Variants in STK32B observed in about 807,000 individuals in gnomAD.
The protein encoded by STK32B is serine/threonine-protein kinase 32B.
STK32B carries 43 observed loss-of-function variants against 52.6 expected under a neutral mutation model. The ratio of observed to expected loss-of-function variants is 0.82; its 90% CI spans 0.64 to 1.05. The LOEUF is 1.05. Ranked by LOEUF, STK32B falls within the 50% of genes least tolerant of loss-of-function variation. The pLI, the probability that STK32B is intolerant of heterozygous loss-of-function variation, is 0.00. For synonymous variants in STK32B, 238 were observed against 204.3 expected, an observed-to-expected ratio of 1.17 and a Z score of -1.41; for missense variants, 621 against 534.6, an observed-to-expected ratio of 1.16 and a Z score of -1.59.
chr4:5,248,229 C>T (rs1047257414), intron 3 of STK32B, among the ~76,000 whole-genome samples: 1 of 152,182 alleles, frequency 6.6e-6, no homozygotes, highest in Admixed American at 6.5e-5. Context: ...GGAGCTGGAA[C>T]TCAGAGGCCT....
chr4:5,206,741 C>G (rs1722599689), intron 3 of STK32B, among the ~76,000 whole-genome samples: 1 of 152,120 alleles, frequency 6.6e-6, no homozygotes. Flanking sequence ...CAGCATCTGC[C>G]AGAACCATTC....
At chr4:5,198,462 T>C (rs183493223) in intron 3 of STK32B, among the ~76,000 whole-genome samples, 209 of 152,312 alleles carry the variant, frequency 1.4e-3, no homozygotes, top group African/African-American at 4.7e-3. Context: ...AGAGGATTAA[T>C]GGTCATTTGT....
chr4:5,026,465 T>C, the STK32B span, among the ~76,000 whole-genome samples: 1 of 152,126 alleles, frequency 6.6e-6, no homozygotes, highest in Non-Finnish European at 1.5e-5. Flanking sequence ...GGAGAGAGAA[T>C]AAGAACCGAG....
chr4:5,309,959 A>T (rs1220322828), intron 3 of STK32B, among the ~76,000 whole-genome samples: 1 of 152,160 alleles, frequency 6.6e-6, no homozygotes, highest in East Asian at 1.9e-4. Flanking sequence ...TGAGGTCAGG[A>T]ATTTGAGACC....
At chr4:5,201,591 A>G (rs972402224) in intron 3 of STK32B, among the ~76,000 whole-genome samples, 2 of 152,208 alleles carry the variant, frequency 1.3e-5, no homozygotes, top group South Asian at 2.1e-4. Context: ...TCACACTGCT[A>G]TAAGGAGCTA....
At chr4:5,350,718 C>T (rs1399516265) in intron 4 of STK32B, among the ~76,000 whole-genome samples, 1 of 151,932 alleles carries the variant, frequency 6.6e-6, no homozygotes, top group African/African-American at 2.4e-5. Flanking sequence ...AAAAGCATGA[C>T]CCAACTATAT....
intron 6 of STK32B, among the ~76,000 whole-genome samples, chr4:5,445,128 C>T (rs556575769): frequency 3.3e-5 from 5 of 152,290 alleles, no homozygotes; most frequent in South Asian, 4.1e-4. Flanking sequence ...AACATGTCCC[C>T]GGAGGCTGTT....
chr4:5,444,147 C>A (rs1278720700), intron 6 of STK32B, among the ~76,000 whole-genome samples: 1 of 152,234 alleles, frequency 6.6e-6, no homozygotes, highest in Admixed American at 6.5e-5. Flanking sequence ...AGCTTCCGGG[C>A]TGCTTTGTTT....
In STK32B at chr4:5,276,766, T is replaced by C. The variant is rs578240857; in HGVS notation, c.261-54454T>C. Among the ~76,000 whole-genome samples the C allele has an allele frequency of 2.0e-5, 3 of 152,108 alleles. No individual in the cohort carries two copies. The East Asian group carries it at 5.8e-4, about 29-fold the overall frequency. On this transcript the variant is annotated intron_variant, in intron 3 of 11. Transcript: ENST00000282908. ...AGAGGGGAAATGCCGCTCAGAAACA[T>C]GATGTGCTTGCCCAGAGAGGCACAG...
At chr4:5,199,612 A>C (rs1297088955) in intron 3 of STK32B, among the ~76,000 whole-genome samples, 1 of 151,972 alleles carries the variant, frequency 6.6e-6, no homozygotes, top group African/African-American at 2.4e-5. Context: ...TGGTTTTCTA[A>C]TTTGACTAAG....
intron 3 of STK32B, among the ~76,000 whole-genome samples, chr4:5,316,862 TA>T (rs1730902591): frequency 1.6e-4 from 1 of 6,158 alleles, no homozygotes; most frequent in African/African-American, 2.2e-3. Flanking sequence ...TTATATATAT[TA>T]TATATTATAT....
chr4:5,417,013 C>A, intron 6 of STK32B, 79 bp downstream of exon 6: 1 of 1,299,198 alleles, frequency 7.7e-7, no homozygotes, highest in Non-Finnish European at 1.1e-6. Flanking sequence ...GTTTCATCTG[C>A]CACTGCCCGC....
At chr4:5,060,133 AT>A (rs987382554) in intron 1 of STK32B, among the ~76,000 whole-genome samples, 1 of 151,992 alleles carries the variant, frequency 6.6e-6, no homozygotes, top group African/African-American at 2.4e-5. Context: ...CGCCCGGCTA[AT>A]TTTGTATTTG....
the STK32B span, among the ~76,000 whole-genome samples, chr4:5,029,999 T>G: frequency 6.6e-6 from 1 of 152,170 alleles, no homozygotes; most frequent in African/African-American, 2.4e-5. Context: ...AGCACTCTCT[T>G]TTCTGTGTCC....
chr4:5,204,971 G>C (rs1436276144), intron 3 of STK32B, among the ~76,000 whole-genome samples: 1 of 152,188 alleles, frequency 6.6e-6, no homozygotes, highest in East Asian at 1.9e-4. Context: ...TTCCAAAGCA[G>C]ATTAGCATTT....
intron 3 of STK32B, among the ~76,000 whole-genome samples, chr4:5,311,476 G>T (rs953244097): frequency 2.6e-5 from 4 of 152,056 alleles, no homozygotes; most frequent in Non-Finnish European, 5.9e-5. Context: ...GAACAGTAGA[G>T]AAAATCAATG....
At chr4:5,461,223 G>A (rs370634177) in intron 9 of STK32B, among the ~76,000 whole-genome samples, 15 of 152,176 alleles carry the variant, frequency 9.9e-5, no homozygotes, top group African/African-American at 2.4e-4. Context: ...TGCCCTGCCC[G>A]GTAGCAGTGG....
intron 1 of STK32B, among the ~76,000 whole-genome samples, chr4:5,127,497 C>A (rs1197478617): frequency 6.6e-6 from 1 of 152,152 alleles, no homozygotes; most frequent in Non-Finnish European, 1.5e-5. Flanking sequence ...ATGTCAGGTG[C>A]TGTTTTGGGT....
chr4:5,218,654 C>T (rs745486852), intron 3 of STK32B, among the ~76,000 whole-genome samples: 7 of 152,156 alleles, frequency 4.6e-5, no homozygotes, highest in East Asian at 1.9e-4. Context: ...AGAGGTGAGG[C>T]GAGGTGGATT....
Sources: gnomAD v4.1 joint callset for allele counts (sites outside exome capture counted in the v4.1 genomes callset) on GRCh38, gnomAD v4.1.1 for gene constraint, MANE v1.5 for transcripts, NCBI Gene and HGNC (gene_info 2026-07-23, HGNC 2026-07-21) for gene names.